Variants in DOCK4 observed in about 807,000 individuals in gnomAD.
The protein encoded by DOCK4 is dedicator of cytokinesis protein 4.
In DOCK4, 97 loss-of-function variants were observed where a neutral mutation model predicts 268.1. The ratio of observed to expected loss-of-function variants is 0.36; its 90% CI spans 0.31 to 0.43. DOCK4 has a LOEUF of 0.43. DOCK4 is among the 20% of genes least tolerant of loss of function. The pLI is 1.00. For synonymous variants in DOCK4, 954 were observed against 887.2 expected (o/e 1.08, Z -1.34); for missense variants, 2,145 against 2,455.7 (o/e 0.87, Z 2.67).
chr7:111,930,759 A>G (rs1794135571), intron 12 of DOCK4, among the ~76,000 whole-genome samples: 1 of 152,140 alleles, frequency 6.6e-6, no homozygotes. Flanking sequence ...CCTCCCTTTC[A>G]ATAATGAAGC....
At chr7:112,115,847 AT>A (rs1812098595) in intron 1 of DOCK4, among the ~76,000 whole-genome samples, 2 of 152,136 alleles carry the variant, frequency 1.3e-5, no homozygotes, top group Admixed American at 1.3e-4. Flanking sequence ...TGCCCAGATT[AT>A]TTTTTACTTT....
In DOCK4 at chr7:112,018,177, AAAAC is replaced by A. The variant is rs1802009676; in HGVS notation, c.38-14050_38-14047del. Among the ~76,000 whole-genome samples the A allele has an allele frequency of 4.9e-5, 4 of 82,444 alleles. 1 individual carries two copies. The highest frequency in any genetic ancestry group is 1.2e-4 in the Non-Finnish European group (4 of 33,822). 54.1% of individuals were successfully genotyped at this position (82,444 alleles called of 152,430 possible). ...AAAAAAAAAAAAAAAAAAAAAAAAAAAAACACAGGCAACCAGTATTCATGTGGCT... is the reference window on the plus strand; with the variant it reads ...AAAAAAAAAAAAAAAAAAAAAAAAAAACAGGCAACCAGTATTCATGTGGCT... On this transcript the variant is annotated intron_variant, in intron 1 of 52. Transcript: ENST00000428084.
In DOCK4 at chr7:111,913,645, G is replaced by A. The variant is rs191812387; in HGVS notation, c.1192+2134C>T. On this transcript the variant is annotated intron_variant, in intron 13 of 52. Coordinates refer to ENST00000428084, the MANE Select transcript of DOCK4 (RefSeq NM_001363540.2). The stretch of plus-strand genomic sequence containing the variant: ...AGGATGGTCTCGATCTTCTGACCTC[G>A]TGATCCGCCCACCTCGGCCTCCCAA... Among the ~76,000 whole-genome samples, 638 of 151,266 alleles carry A rather than the reference G, an allele frequency of 4.2e-3. 6 individuals are homozygous for A. Among genetic ancestry groups the A allele is most frequent in the African/African-American group, 0.015 (607 of 41,222 alleles).
At chr7:112,151,518 T>C (rs2116396392) in intron 1 of DOCK4, among the ~76,000 whole-genome samples, 1 of 152,250 alleles carries the variant, frequency 6.6e-6, no homozygotes, top group South Asian at 2.1e-4. Context: ...AGGCAGGCAC[T>C]GTGGAAATTC....
At chr7:112,167,008 A>G (rs1288146943) in intron 1 of DOCK4, among the ~76,000 whole-genome samples, 1 of 152,116 alleles carries the variant, frequency 6.6e-6, no homozygotes, top group Non-Finnish European at 1.5e-5. Flanking sequence ...ATAGTGAAGG[A>G]AAAGTAAGAT....
intron 12 of DOCK4, among the ~76,000 whole-genome samples, chr7:111,926,122 A>G (rs879329666): frequency 0.091 from 9,246 of 102,072 alleles, 355 homozygotes; most frequent in South Asian, 0.11. Context: ...GAAAGAGAAA[A>G]AGAAAGAAAG....
intron 1 of DOCK4, among the ~76,000 whole-genome samples, chr7:112,017,806 G>C (rs1040372604): frequency 6.6e-6 from 1 of 152,076 alleles, no homozygotes; most frequent in Non-Finnish European, 1.5e-5. Flanking sequence ...AGGGAATGAA[G>C]ACTCATGTCT....
intron 4 of DOCK4, among the ~76,000 whole-genome samples, chr7:111,996,522 C>T (rs1799969732): frequency 6.6e-6 from 1 of 152,184 alleles, no homozygotes; most frequent in African/African-American, 2.4e-5. Flanking sequence ...AAAGCAATTA[C>T]CTGGCAATAC....
intron 1 of DOCK4, among the ~76,000 whole-genome samples, chr7:112,149,090 A>G (rs1815794051): frequency 1.3e-5 from 2 of 152,268 alleles, no homozygotes; most frequent in South Asian, 2.1e-4. Context: ...TTGTTAACAC[A>G]TCTCTTTTTG....
chr7:111,902,243 A>G (rs1199029675), intron 13 of DOCK4, among the ~76,000 whole-genome samples: 1 of 152,242 alleles, frequency 6.6e-6, no homozygotes, highest in Non-Finnish European at 1.5e-5. Flanking sequence ...GGGTACAATT[A>G]CAACTTAAAT....
intron 1 of DOCK4, among the ~76,000 whole-genome samples, chr7:112,078,037 C>G (rs1354181974): frequency 6.6e-6 from 1 of 151,944 alleles, no homozygotes; most frequent in Admixed American, 6.6e-5. Context: ...ATTAATTACA[C>G]TAATTATTGA....
chr7:111,917,058 G>A (rs1286469673), intron 12 of DOCK4, among the ~76,000 whole-genome samples: 2 of 143,344 alleles, frequency 1.4e-5, no homozygotes, highest in Non-Finnish European at 3.0e-5. Context: ...CGCGATCTTG[G>A]CTCACTGCAA....
intron 37 of DOCK4, among the ~76,000 whole-genome samples, chr7:111,767,729 G>T (rs1221344355): frequency 1.3e-5 from 2 of 152,090 alleles, no homozygotes; most frequent in Non-Finnish European, 2.9e-5. Flanking sequence ...CGAGTAGATG[G>T]ATATAAACAG....
At chr7:112,098,774 T>G (rs1810395074) in intron 1 of DOCK4, among the ~76,000 whole-genome samples, 1 of 150,702 alleles carries the variant, frequency 6.6e-6, no homozygotes, top group African/African-American at 2.4e-5. Flanking sequence ...AACAGGCTCA[T>G]GAGCATAATT....
At chr7:112,109,404 A>G (rs999652714) in intron 1 of DOCK4, among the ~76,000 whole-genome samples, 2 of 152,146 alleles carry the variant, frequency 1.3e-5, no homozygotes, top group Non-Finnish European at 2.9e-5. Flanking sequence ...TAAGTCACAG[A>G]GAAGAAAAAA....
At chr7:112,162,859 CAT>C (rs1378467355) in intron 1 of DOCK4, among the ~76,000 whole-genome samples, 2 of 152,136 alleles carry the variant, frequency 1.3e-5, no homozygotes, top group African/African-American at 4.8e-5. Context: ...TAAACCCTAA[CAT>C]ATAATGTTCT....
At chr7:112,084,456 C>A (rs1808880685) in intron 1 of DOCK4, among the ~76,000 whole-genome samples, 1 of 152,150 alleles carries the variant, frequency 6.6e-6, no homozygotes, top group South Asian at 2.1e-4. Context: ...ATACATGGAT[C>A]TTAGAAGTTG....
At chr7:112,190,580 T>C (rs1035026692) in intron 1 of DOCK4, among the ~76,000 whole-genome samples, 7 of 151,902 alleles carry the variant, frequency 4.6e-5, no homozygotes, top group Non-Finnish European at 1.0e-4. Flanking sequence ...AGAGAAAGAA[T>C]TGCCCAGCAC....
chr7:111,829,415 G>C (rs1802642735), intron 26 of DOCK4, among the ~76,000 whole-genome samples: 1 of 152,168 alleles, frequency 6.6e-6, no homozygotes. Context: ...TCTCATGGCG[G>C]GGGAGGCAGG....
Sources: gnomAD v4.1 joint callset for allele counts (sites outside exome capture counted in the v4.1 genomes callset) on GRCh38, gnomAD v4.1.1 for gene constraint, MANE v1.5 for transcripts, NCBI Gene and HGNC (gene_info 2026-07-23, HGNC 2026-07-21) for gene names.